Variants in DNAAF9 observed in about 807,000 individuals in gnomAD.
DNAAF9 encodes the protein dynein axonemal assembly factor 9, also known as shulin.
DNAAF9 carries 90 observed loss-of-function variants against 167.0 expected under a neutral mutation model. The observed-to-expected ratio is 0.54, with a 90% CI of 0.45 to 0.64. The LOEUF (loss-of-function observed/expected upper bound fraction) is 0.64, where lower values mean the gene tolerates loss of function less well. Among genes scored for constraint, DNAAF9 ranks in the 30% least tolerant of loss-of-function variants. The probability of loss-of-function intolerance (pLI) is 0.00; values close to 1 mark genes in which losing one functional copy is unlikely to be tolerated. For synonymous variants in DNAAF9, 491 were observed against 508.8 expected (o/e 0.96, Z 0.47); for missense variants, 1,315 against 1,442.2 (o/e 0.91, Z 1.43).
chr20:3,266,921 C>T (rs1404243634), intron 30 of DNAAF9, among the ~76,000 whole-genome samples: 6 of 149,660 alleles, frequency 4.0e-5, no homozygotes, highest in African/African-American at 7.4e-5. Context: ...GGCGCAATCT[C>T]GGCTCACTGC....
chr20:3,372,129 T>C (rs1314848997), intron 6 of DNAAF9, among the ~76,000 whole-genome samples: 5 of 152,192 alleles, frequency 3.3e-5, no homozygotes, highest in Non-Finnish European at 7.3e-5. Flanking sequence ...CAACACAAGT[T>C]TTAAAAATTA....
chr20:3,404,571 T>C (rs2084031060), intron 1 of DNAAF9, among the ~76,000 whole-genome samples: 1 of 152,182 alleles, frequency 6.6e-6, no homozygotes. Flanking sequence ...TTCGGCCGTA[T>C]TTCTTCCTCA....
At chr20:3,374,972 C>T (rs1276991740) in intron 5 of DNAAF9, 58 bp downstream of exon 5, 26 of 875,326 alleles carry the variant, frequency 3.0e-5, no homozygotes, top group Non-Finnish European at 3.4e-5. Context: ...AAAGTAGTGA[C>T]GTTCAATTCA....
At chr20:3,274,434 C>T (rs1223129220) in intron 29 of DNAAF9, among the ~76,000 whole-genome samples, 6 of 152,286 alleles carry the variant, frequency 3.9e-5, no homozygotes, top group South Asian at 4.1e-4. Flanking sequence ...TGAGCCACTG[C>T]GCCTGGCCTG....
At chr20:3,298,661 C>T (rs2069127202) in intron 21 of DNAAF9, among the ~76,000 whole-genome samples, 1 of 152,140 alleles carries the variant, frequency 6.6e-6, no homozygotes, top group Non-Finnish European at 1.5e-5. Flanking sequence ...TCTCAAAATT[C>T]ACTCTAGGAT....
rs188968486 is a variant in DNAAF9 at position 3,363,183 on chromosome 20, C to T, written c.613-3590G>A. ...GGCGGAGGTTACGGTGAGCCAAGAT[C>T]GTGCCATTGCTCTCTGGCCTGGGTG... On this transcript the variant is annotated intron_variant, in intron 6 of 36. Coordinates refer to ENST00000252032, the MANE Select transcript of DNAAF9 (RefSeq NM_001009984.3). Among the ~76,000 whole-genome samples, 1,383 of 148,466 alleles carry T rather than the reference C, an allele frequency of 9.3e-3. 9 individuals are homozygous for T. Among genetic ancestry groups the T allele is most frequent in the Non-Finnish European group, 0.014 (966 of 67,608 alleles).
chr20:3,340,647 G>C lies in DNAAF9; in HGVS notation c.846-8C>G. On this transcript the variant is annotated splice_polypyrimidine_tract_variant and splice_region_variant and intron_variant, in intron 9 of 36. Transcript: ENST00000252032. ...AATGGCTGCCGGTTAGGGCTAGAGA[G>C]GGAAGTCAAAAACATGTGATTAGAA... The C allele has an allele frequency of 6.2e-7, 1 of 1,613,788 alleles. No individual in the cohort carries two copies. Among genetic ancestry groups the C allele is most frequent in the Non-Finnish European group, 8.5e-7 (1 of 1,179,784 alleles).
At chr20:3,253,627 A>G in intron 36 of DNAAF9, 99 bp downstream of exon 36, 1 of 765,416 alleles carries the variant, frequency 1.3e-6, no homozygotes. Context: ...TGGGGCTCAA[A>G]TGCATGGCTC....
intron 7 of DNAAF9, among the ~76,000 whole-genome samples, chr20:3,349,032 G>T (rs2070254303): frequency 6.6e-6 from 1 of 151,668 alleles, no homozygotes; most frequent in South Asian, 2.1e-4. Flanking sequence ...GAATATTATG[G>T]TACATAAATT....
intron 10 of DNAAF9, among the ~76,000 whole-genome samples, chr20:3,338,511 T>G (rs2070012100): frequency 1.3e-5 from 2 of 152,226 alleles, no homozygotes. Flanking sequence ...TGTGGTTTTG[T>G]GTCTTTGTCA....
chr20:3,270,230 A>G (rs2068569422), intron 30 of DNAAF9, among the ~76,000 whole-genome samples, 197 bp downstream of exon 30: 1 of 150,804 alleles, frequency 6.6e-6, no homozygotes, highest in African/African-American at 2.4e-5. Context: ...GCAGCCTCCA[A>G]TTCCTGGATT....
At chr20:3,299,571 C>A (rs1313427672) in intron 21 of DNAAF9, among the ~76,000 whole-genome samples, 1 of 152,252 alleles carries the variant, frequency 6.6e-6, no homozygotes, top group African/African-American at 2.4e-5. Flanking sequence ...CTTGGCCTCC[C>A]AAAGTGCTGC....
At chr20:3,334,636 C>G (rs2069903048) in intron 10 of DNAAF9, among the ~76,000 whole-genome samples, 1 of 152,184 alleles carries the variant, frequency 6.6e-6, no homozygotes, top group Admixed American at 6.5e-5. Flanking sequence ...AAACTGTCTT[C>G]CAAAGTGACT....
rs144298896 is a variant in DNAAF9 at position 3,260,620 on chromosome 20, GC to G, written c.2874-593del. On this transcript the variant is annotated intron_variant, in intron 31 of 36. Transcript: ENST00000252032. The stretch of plus-strand genomic sequence containing the variant: ...ACGGTGGGGGGCTCTTGCTCAGGAT[GC>G]CCTCCCATTTCTCTCTCTTTTTTTT... Among the ~76,000 whole-genome samples, 569 of 152,020 alleles carry G rather than the reference GC, an allele frequency of 3.7e-3. 26 individuals are homozygous for G. In the East Asian group the frequency reaches 0.097, roughly 26 times the overall value.
rs1396090781 is a variant in DNAAF9 at position 3,395,070 on chromosome 20, C to T, written c.83+12405G>A. Among the ~76,000 whole-genome samples, 12 of 144,756 alleles carry T rather than the reference C, an allele frequency of 8.3e-5. 1 individual carries two copies. The highest frequency in any genetic ancestry group is 1.8e-4 in the Non-Finnish European group (12 of 66,686). 95.0% of individuals were successfully genotyped at this position (144,756 alleles called of 152,430 possible). On this transcript the variant is annotated intron_variant, in intron 1 of 36. Coordinates refer to ENST00000252032, the MANE Select transcript of DNAAF9 (RefSeq NM_001009984.3). ...GCAAGCTCCGCCTCCCGGGTTCACG[C>T]CATTCTCCTGCCTCAGCCTCCCATG...
chr20:3,360,430 C>G (rs755089654), intron 6 of DNAAF9, among the ~76,000 whole-genome samples: 14 of 152,156 alleles, frequency 9.2e-5, no homozygotes, highest in Admixed American at 7.2e-4. Flanking sequence ...AAACTGTTTA[C>G]ACATACATAT....
At chr20:3,314,239 G>T (rs2069463188) in intron 20 of DNAAF9, among the ~76,000 whole-genome samples, 1 of 152,096 alleles carries the variant, frequency 6.6e-6, no homozygotes, top group South Asian at 2.1e-4. Flanking sequence ...TTAGGACTTT[G>T]AACTGTAGCC....
intron 21 of DNAAF9, 24 bp downstream of exon 21, chr20:3,304,416 G>T: frequency 9.5e-7 from 1 of 1,050,402 alleles, no homozygotes; most frequent in Non-Finnish European, 1.5e-6. Context: ...GACCAAAAAA[G>T]CCACTGACTA....
chr20:3,374,878 A>C (rs936606311), intron 5 of DNAAF9, 152 bp downstream of exon 5: 1 of 627,824 alleles, frequency 1.6e-6, no homozygotes, highest in Non-Finnish European at 2.9e-6. Context: ...CTTGCACAGA[A>C]AAGTCCCCAT....
Sources: gnomAD v4.1 joint callset for allele counts (sites outside exome capture counted in the v4.1 genomes callset) on GRCh38, gnomAD v4.1.1 for gene constraint, MANE v1.5 for transcripts, NCBI Gene and HGNC (gene_info 2026-07-23, HGNC 2026-07-21) for gene names.